Variants in HM13 observed in about 807,000 individuals in gnomAD.
HM13 encodes the protein histocompatibility minor 13.
In HM13, 18 loss-of-function variants were observed where a neutral mutation model predicts 50.0. The observed-to-expected ratio is 0.36, with a 90% CI of 0.25 to 0.53. The LOEUF (loss-of-function observed/expected upper bound fraction) is 0.53, where lower values mean the gene tolerates loss of function less well. Ranked by LOEUF, HM13 falls within the 20% of genes least tolerant of loss-of-function variation. The pLI is 0.90. For synonymous variants in HM13, 197 were observed against 232.6 expected (o/e 0.85, Z 1.39); for missense variants, 393 against 552.4 (o/e 0.71, Z 2.89).
chr20:31,543,308 C>T (rs768878769), intron 3 of HM13, among the ~76,000 whole-genome samples: 1 of 152,124 alleles, frequency 6.6e-6, no homozygotes, highest in Non-Finnish European at 1.5e-5. Flanking sequence ...TTTTTAGAGA[C>T]GGAGTCTCGC....
At chr20:31,560,168 G>T (rs1445477040) in intron 9 of HM13, among the ~76,000 whole-genome samples, 2 of 152,194 alleles carry the variant, frequency 1.3e-5, no homozygotes, top group East Asian at 3.8e-4. Context: ...TGAGCACGAG[G>T]GGGAGAAGGT....
chr20:31,516,684 G>T (rs1032527657), intron 1 of HM13, among the ~76,000 whole-genome samples: 1 of 152,264 alleles, frequency 6.6e-6, no homozygotes, highest in African/African-American at 2.4e-5. Context: ...GTTTGGTGTG[G>T]CTGGAACAGA....
At chr20:31,565,716 T>G (rs572512946) in intron 10 of HM13, among the ~76,000 whole-genome samples, 1 of 152,246 alleles carries the variant, frequency 6.6e-6, no homozygotes, top group South Asian at 2.1e-4. Flanking sequence ...AGCACAGACA[T>G]GCCAAATTGC....
intron 2 of HM13, 62 bp from the exon 3 acceptor site, chr20:31,538,117 C>G: frequency 8.2e-6 from 13 of 1,593,624 alleles, no homozygotes; most frequent in Non-Finnish European, 1.0e-5. Context: ...CGCAGGGACT[C>G]TGGTTTCCTC....
At chr20:31,535,571 A>G (rs1983061873) in intron 2 of HM13, 1 of 152,244 alleles carries the variant, frequency 6.6e-6, no homozygotes, top group South Asian at 2.1e-4. Flanking sequence ...GACTGAAAGA[A>G]TGCAATGTGA....
At position 31,548,325 on chromosome 20, in the gene HM13, C is replaced by G. The variant is rs576580087; in HGVS notation, c.455-704C>G. ...AAACTCCACAGCCTCTAGTTGTCTT[C>G]TTAGGAAGCTTGGAAGCAATTGAGA... On this transcript the variant is annotated intron_variant, in intron 4 of 12. Transcript: ENST00000398174. 4.8e-5 allele frequency: 16 copies of G among 333,992 alleles called. 1 individual carries two copies. The highest frequency in any genetic ancestry group is 8.4e-5 in the Non-Finnish European group (15 of 179,282). The allele number at this position is 333,992 out of a possible 1,614,324, so 20.7% of individuals were successfully genotyped here.
At chr20:31,556,330 C>G (rs569648112) in intron 8 of HM13, among the ~76,000 whole-genome samples, 1 of 152,080 alleles carries the variant, frequency 6.6e-6, no homozygotes, top group Admixed American at 6.6e-5. Context: ...TGAGCCACCA[C>G]GCCTGGCCGA....
intron 3 of HM13, 33 bp from the exon 4 acceptor site, chr20:31,544,914 C>T: frequency 6.3e-7 from 1 of 1,591,130 alleles, no homozygotes; most frequent in Non-Finnish European, 8.6e-7. Context: ...CATGGGGGCT[C>T]TGTTTGCCGA....
At chr20:31,547,449 C>T (rs375142445) in intron 4 of HM13, 1 of 567,138 alleles carries the variant, frequency 1.8e-6, no homozygotes, top group Admixed American at 3.3e-5. Flanking sequence ...GGGACTCCAC[C>T]GGAGCCTTGC....
At chr20:31,522,273 A>G (rs1600614508) in intron 1 of HM13, among the ~76,000 whole-genome samples, 1 of 151,706 alleles carries the variant, frequency 6.6e-6, no homozygotes, top group East Asian at 1.9e-4. Context: ...CACAAAGCAC[A>G]CTCCTCAAGC....
chr20:31,532,872 A>C (rs1982896943), intron 2 of HM13, among the ~76,000 whole-genome samples: 1 of 152,226 alleles, frequency 6.6e-6, no homozygotes. Flanking sequence ...AGATGCTCCC[A>C]AAAGGAATTT....
chr20:31,533,045 T>C (rs1271834032), intron 2 of HM13, among the ~76,000 whole-genome samples: 1 of 152,232 alleles, frequency 6.6e-6, no homozygotes, highest in Non-Finnish European at 1.5e-5. Context: ...GAAAGGCAGC[T>C]GCCTGGACAG....
chr20:31,545,379 C>T (rs1983657387), intron 4 of HM13, among the ~76,000 whole-genome samples: 1 of 139,158 alleles, frequency 7.2e-6, no homozygotes, highest in African/African-American at 3.1e-5. Flanking sequence ...CACTCAAAGT[C>T]GGCCTTCATG....
chr20:31,515,234 T>A (rs1201624848), intron 1 of HM13, among the ~76,000 whole-genome samples: 1 of 152,170 alleles, frequency 6.6e-6, no homozygotes, highest in Admixed American at 6.5e-5. Context: ...AGACTCTGAC[T>A]CCTGTCTCAC....
chr20:31,536,746 C>G (rs1278824883), intron 2 of HM13, among the ~76,000 whole-genome samples: 1 of 152,172 alleles, frequency 6.6e-6, no homozygotes, highest in African/African-American at 2.4e-5. Context: ...ACCTTTGCAC[C>G]TGCTCCCTTC....
At chr20:31,529,122 T>C (rs1295911351) in intron 2 of HM13, among the ~76,000 whole-genome samples, 1 of 151,998 alleles carries the variant, frequency 6.6e-6, no homozygotes, top group East Asian at 1.9e-4. Context: ...ACTGATTTTG[T>C]TTTATTGTAT....
At chr20:31,568,016 T>A (rs1195290504) in intron 11 of HM13, 62 bp from the exon 12 acceptor site, 6 of 1,377,952 alleles carry the variant, frequency 4.4e-6, no homozygotes, top group Non-Finnish European at 5.9e-6. Flanking sequence ...GAAGTCTCTG[T>A]CCTCCCTTAG....
chr20:31,517,206 G>T (rs1568776553), intron 1 of HM13, among the ~76,000 whole-genome samples: 1 of 152,126 alleles, frequency 6.6e-6, no homozygotes, highest in Non-Finnish European at 1.5e-5. Flanking sequence ...GGGAATGTGA[G>T]GACAGAATCC....
chr20:31,514,561 G>A lies in HM13; in HGVS notation c.10G>A (p.Ala4Thr). Residue 4 changes from alanine (A) to threonine (T), a missense_variant, in exon 1 of 13, where the codon GCC (alanine) becomes ACC (threonine). Physicochemically the swap from Ala to Thr is moderately conservative, Grantham distance 58. Around this residue, in one of 3 missense-constraint regions of HM13, gnomAD observed 214 missense variants for 276.1 expected, o/e 0.77. Transcript: ENST00000398174. The surrounding 1 kb of genome is among the most constrained non-coding windows in gnomAD (Gnocchi z 4.3). Reference protein sequence around the residue: MDSALSDPHNGSAE... With the variant: MDSTLSDPHNGSAE... ...CGAACGCACCCTCGCCATGGACTCG[G>A]CCCTCAGCGATCCGCATAACGGCAG... The A allele has an allele frequency of 6.2e-7, 1 of 1,605,890 alleles. No individual in the cohort carries two copies. Among genetic ancestry groups the A allele is most frequent in the Non-Finnish European group, 8.5e-7 (1 of 1,177,904 alleles).
Sources: gnomAD v4.1 joint callset for allele counts (sites outside exome capture counted in the v4.1 genomes callset) on GRCh38, gnomAD v4.1.1 for gene constraint, gnomAD v4.1.1 regional missense constraint, Gnocchi (gnomAD v3.1) non-coding constraint, MANE v1.5 for transcripts, NCBI Gene and HGNC (gene_info 2026-07-23, HGNC 2026-07-21) for gene names.